Variants in DGKG observed in about 807,000 individuals in gnomAD.
DGKG encodes diacylglycerol kinase gamma.
Under a neutral mutation model 105.3 loss-of-function variants are expected in DGKG, and 78 were observed. That is an observed-to-expected ratio of 0.74 (90% CI 0.62 to 0.89). The LOEUF is 0.89. Ranked by LOEUF, DGKG falls within the 40% of genes least tolerant of loss-of-function variation. DGKG has a pLI of 0.00. For missense variants in DGKG, 958 were observed against 1,020.1 expected, an observed-to-expected ratio of 0.94 and a Z score of 0.83; for synonymous variants, 346 against 367.1, an observed-to-expected ratio of 0.94 and a Z score of 0.66.
intron 22 of DGKG, among the ~76,000 whole-genome samples, chr3:186,179,888 C>T (rs1386674774): frequency 6.6e-6 from 1 of 152,220 alleles, no homozygotes; most frequent in East Asian, 1.9e-4. Flanking sequence ...GCCAGCATCA[C>T]TCACACAAAT....
At chr3:186,280,977 C>T in intron 7 of DGKG, 1 of 468,442 alleles carries the variant, frequency 2.1e-6, no homozygotes, top group Non-Finnish European at 3.9e-6. Context: ...CTCATAAACA[C>T]TGACTTCCTC....
intron 1 of DGKG, among the ~76,000 whole-genome samples, chr3:186,327,632 C>T (rs566508973): frequency 2.4e-4 from 36 of 151,562 alleles, no homozygotes; most frequent in Admixed American, 2.0e-3. Flanking sequence ...AGGCTGATCT[C>T]GAACTCCTGG....
rs892565416 is a variant in DGKG at position 186,357,154 on chromosome 3, C to T, written c.-249+4792G>A. ...CTCTGAGAGTCTAGATTTCAAGACA[C>T]GCTGAAATCAGGTCAGGCCACACTA... On this transcript the variant is annotated intron_variant, in intron 1 of 24. Transcript: ENST00000265022. Among the ~76,000 whole-genome samples, 5 of 152,158 alleles carry T rather than the reference C, an allele frequency of 3.3e-5. No individual in the cohort carries two copies. The East Asian group carries it at 9.6e-4, about 29-fold the overall frequency.
At chr3:186,200,686 C>T (rs1416726268) in intron 21 of DGKG, among the ~76,000 whole-genome samples, 1 of 152,154 alleles carries the variant, frequency 6.6e-6, no homozygotes, top group African/African-American at 2.4e-5. Context: ...CCTTGTCCGC[C>T]CTGGTGTGTG....
chr3:186,303,659 C>A (rs1724083325), intron 3 of DGKG, among the ~76,000 whole-genome samples: 3 of 152,160 alleles, frequency 2.0e-5, no homozygotes, highest in Non-Finnish European at 4.4e-5. Context: ...TGGGTCCAGG[C>A]TCACAGTGCC....
At chr3:186,247,474 A>C (rs1720998042) in intron 19 of DGKG, among the ~76,000 whole-genome samples, 1 of 152,206 alleles carries the variant, frequency 6.6e-6, no homozygotes, top group South Asian at 2.1e-4. Flanking sequence ...TCTCTTTGCC[A>C]GTGGAGTCCG....
intron 5 of DGKG, among the ~76,000 whole-genome samples, chr3:186,289,232 T>C (rs867890246): frequency 1.1e-4 from 16 of 152,326 alleles, no homozygotes; most frequent in Middle Eastern, 6.8e-3. Flanking sequence ...CTTATAGAAG[T>C]AATTTTGGCT....
chr3:186,354,532 C>T (rs1033620268), intron 1 of DGKG, among the ~76,000 whole-genome samples: 7 of 152,318 alleles, frequency 4.6e-5, no homozygotes, highest in African/African-American at 1.7e-4. Context: ...TGGGTTTTGT[C>T]AGCTGCTGTC....
intron 16 of DGKG, among the ~76,000 whole-genome samples, chr3:186,259,051 A>T (rs1721616871): frequency 6.6e-6 from 1 of 152,188 alleles, no homozygotes; most frequent in Admixed American, 6.5e-5. Context: ...AGAATCACTG[A>T]TGCATGTGTA....
intron 1 of DGKG, among the ~76,000 whole-genome samples, chr3:186,346,828 T>C (rs926270379): frequency 6.6e-6 from 1 of 152,212 alleles, no homozygotes; most frequent in African/African-American, 2.4e-5. Flanking sequence ...GTCCCATATA[T>C]GTCCATTCCA....
At chr3:186,344,655 C>T (rs1191825536) in intron 1 of DGKG, among the ~76,000 whole-genome samples, 1 of 152,054 alleles carries the variant, frequency 6.6e-6, no homozygotes, top group African/African-American at 2.4e-5. Flanking sequence ...GGCTTAATAC[C>T]TGGGTGATGA....
At chr3:186,296,296 G>A (rs1260746529) in intron 5 of DGKG, among the ~76,000 whole-genome samples, 1 of 152,200 alleles carries the variant, frequency 6.6e-6, no homozygotes. Flanking sequence ...CAGAGACGTT[G>A]TTCAAACATG....
intron 17 of DGKG, among the ~76,000 whole-genome samples, chr3:186,254,685 G>A (rs1721380034): frequency 6.6e-6 from 1 of 151,822 alleles, no homozygotes; most frequent in Non-Finnish European, 1.5e-5. Context: ...TGATGCCTGA[G>A]TGCAGGTATG....
At chr3:186,302,805 A>G (rs1724043571) in intron 3 of DGKG, among the ~76,000 whole-genome samples, 1 of 152,020 alleles carries the variant, frequency 6.6e-6, no homozygotes, top group Non-Finnish European at 1.5e-5. Context: ...TGCCATAGGA[A>G]AAGAGCTGAC....
rs1381420841 is a variant in DGKG, at chr3:186,148,513, T to C, written c.*1577A>G. On this transcript the variant is annotated 3_prime_UTR_variant, in exon 25 of 25. Transcript: ENST00000265022. ...CATCCACGCATGTGCTGTACGTTTG[T>C]TCCTCCCTGGCAACCTGGATCCAAG... The C allele has an allele frequency of 2.0e-6, 2 of 985,470 alleles. No homozygotes were observed. The highest frequency in any genetic ancestry group is 2.4e-6 in the Non-Finnish European group (2 of 829,954). 61.0% of individuals were successfully genotyped at this position (985,470 alleles called of 1,614,324 possible). A position where few individuals can be genotyped will look rare whatever the true frequency, so the allele number is the denominator to read the frequency against.
chr3:186,223,959 G>A (rs1211258731), intron 20 of DGKG, among the ~76,000 whole-genome samples: 2 of 152,150 alleles, frequency 1.3e-5, no homozygotes, highest in South Asian at 4.1e-4. Context: ...TGTGTGGTTG[G>A]CAAACTTGTC....
intron 2 of DGKG, among the ~76,000 whole-genome samples, chr3:186,315,384 T>C (rs1034820756): frequency 6.6e-6 from 1 of 152,192 alleles, no homozygotes; most frequent in Admixed American, 6.5e-5. Context: ...CTTCTTCACC[T>C]TTCCCTTCCC....
chr3:186,148,629 T>A lies in DGKG; in HGVS notation c.*1461A>T. The A allele has an allele frequency of 1.0e-6, 1 of 985,392 alleles. No individual in the cohort carries two copies. The highest frequency in any genetic ancestry group is 1.7e-5 in the African/African-American group (1 of 57,344). The allele number at this position is 985,392 out of a possible 1,614,324, so 61.0% of individuals were successfully genotyped here. ...AATATCTTTGTAACGGCACCTACTCTCAAGCTGCATTAGCCAAGACACCAT... is the reference window on the plus strand; with the variant it reads ...AATATCTTTGTAACGGCACCTACTCACAAGCTGCATTAGCCAAGACACCAT... On this transcript the variant is annotated 3_prime_UTR_variant, in exon 25 of 25. Transcript: ENST00000265022.
intron 20 of DGKG, among the ~76,000 whole-genome samples, chr3:186,220,263 A>G (rs946709703): frequency 4.6e-5 from 7 of 152,160 alleles, no homozygotes; most frequent in South Asian, 4.1e-4. Context: ...GCAGTGGGAG[A>G]ATGAATAAAA....
Sources: allele counts gnomAD v4.1 joint callset (sites outside exome capture counted in the v4.1 genomes callset), GRCh38; gene constraint gnomAD v4.1.1; transcripts MANE v1.5; gene names NCBI Gene and HGNC (gene_info 2026-07-23, HGNC 2026-07-21).